The following ARMH3 variants were observed in gnomAD, a reference collection of about 807,000 sequenced individuals.
The protein encoded by ARMH3 is armadillo-like helical domain-containing protein 3.
In ARMH3, 60 loss-of-function variants were observed where a neutral mutation model predicts 99.1. The ratio of observed to expected loss-of-function variants is 0.61; its 90% CI spans 0.49 to 0.75. The LOEUF is 0.75. Ranked by LOEUF, ARMH3 falls within the 30% of genes least tolerant of loss-of-function variation. The pLI, the probability that ARMH3 is intolerant of heterozygous loss-of-function variation, is 0.00. For missense variants in ARMH3, 679 were observed against 843.1 expected, an observed-to-expected ratio of 0.81 and a Z score of 2.41; for synonymous variants, 285 against 292.8, an observed-to-expected ratio of 0.97 and a Z score of 0.27.
chr10:102,022,035 C>A (rs1436010057), intron 8 of ARMH3, among the ~76,000 whole-genome samples: 2 of 152,020 alleles, frequency 1.3e-5, no homozygotes, highest in African/African-American at 4.8e-5. Flanking sequence ...GTTATAATTG[C>A]CTACAGTATT....
intron 22 of ARMH3, among the ~76,000 whole-genome samples, chr10:101,954,737 TATACTTTATATAAAACA>T (rs1292439996): frequency 6.6e-6 from 1 of 152,194 alleles, no homozygotes; most frequent in Non-Finnish European, 1.5e-5. Context: ...AGCATAAGTT[TATACTTTATATAAAACA>T]GAGCACTGAA....
At chr10:101,862,128 A>T (rs1445534276) in intron 24 of ARMH3, among the ~76,000 whole-genome samples, 2 of 151,992 alleles carry the variant, frequency 1.3e-5, no homozygotes, top group East Asian at 3.8e-4. Context: ...ATAATAATAA[A>T]GAGCACTAGA....
intron 23 of ARMH3, among the ~76,000 whole-genome samples, chr10:101,900,139 G>A (rs769127879): frequency 3.3e-5 from 5 of 152,026 alleles, no homozygotes; most frequent in African/African-American, 4.8e-5. Flanking sequence ...TTATCCTATC[G>A]TTGCTCAGAT....
chr10:101,992,047 CA>C lies in ARMH3; in HGVS notation c.1276-10del. 6.2e-7 allele frequency: 1 copy of C among 1,612,884 alleles called. No individual in the cohort carries two copies. Among genetic ancestry groups the C allele is most frequent in the Non-Finnish European group, 8.5e-7 (1 of 1,179,094 alleles). On this transcript the variant is annotated splice_polypyrimidine_tract_variant and intron_variant, in intron 17 of 25. Coordinates refer to ENST00000370033, the MANE Select transcript of ARMH3 (RefSeq NM_024541.3). ...TTCCTGTGTCTCATAGGCTTCACAC[CA>C]AAAAAATGAAGAAAGGAAATTAGTA...
chr10:102,050,402 C>T (rs373504398), intron 1 of ARMH3, among the ~76,000 whole-genome samples: 78 of 152,062 alleles, frequency 5.1e-4, no homozygotes, highest in South Asian at 1.0e-3. Flanking sequence ...AAGCCGAGAT[C>T]GCGCCACTGC....
rs998679629 is a variant in ARMH3, at chr10:101,957,670, T to C, written c.1558A>G (p.Ile520Val). ...NETVLLAKHNIFTLALMIVNL... is the reference protein window; with the variant it reads ...NETVLLAKHNVFTLALMIVNL... ...CTCACCATAAGGGCTAATGTAAAAA[T>C]GTTGTGTTTGGCCAAAAGTACAGTC... The change falls in exon 21 of 26, where the codon ATT becomes GTT. Residue 520 changes from isoleucine (I) to valine (V), a missense_variant. Ile to Val is a conservative substitution (Grantham distance 29, BLOSUM62 3). Transcript: ENST00000370033. The C allele has an allele frequency of 1.9e-6, 3 of 1,609,734 alleles. No individual in the cohort carries two copies. The highest frequency in any genetic ancestry group is 8.5e-7 in the Non-Finnish European group (1 of 1,178,992).
chr10:102,039,411 G>A (rs1181510239), intron 2 of ARMH3, among the ~76,000 whole-genome samples: 2 of 152,138 alleles, frequency 1.3e-5, no homozygotes, highest in African/African-American at 4.8e-5. Flanking sequence ...CCAAAGTGCT[G>A]GGATTACAGG....
At chr10:102,048,963 A>AG (rs1236935532) in intron 1 of ARMH3, among the ~76,000 whole-genome samples, 1 of 151,994 alleles carries the variant, frequency 6.6e-6, no homozygotes, top group Non-Finnish European at 1.5e-5. Context: ...TCCAAGCCCC[A>AG]GCCCTTCAAG....
intron 23 of ARMH3, among the ~76,000 whole-genome samples, chr10:101,913,928 T>C (rs1399929629): frequency 6.6e-6 from 1 of 152,170 alleles, no homozygotes; most frequent in African/African-American, 2.4e-5. Context: ...TACAGCAGGA[T>C]TGTACCCTGG....
chr10:101,919,605 G>A (rs147080499), intron 23 of ARMH3, among the ~76,000 whole-genome samples: 69 of 152,158 alleles, frequency 4.5e-4, no homozygotes, highest in African/African-American at 1.6e-3. Flanking sequence ...TGGTGGCTGC[G>A]GCACAGTGGT....
intron 20 of ARMH3, among the ~76,000 whole-genome samples, chr10:101,967,698 C>T (rs1234561966): frequency 4.6e-5 from 7 of 152,108 alleles, no homozygotes; most frequent in Admixed American, 1.3e-4. Context: ...GATCGCGCCA[C>T]GGCACTCCAG....
intron 23 of ARMH3, among the ~76,000 whole-genome samples, chr10:101,922,048 C>A (rs1168363637): frequency 2.0e-5 from 3 of 152,158 alleles, no homozygotes; most frequent in African/African-American, 7.2e-5. Context: ...CCAAGATACC[C>A]TGACTTGTTC....
intron 23 of ARMH3, among the ~76,000 whole-genome samples, chr10:101,910,745 A>C (rs575945374): frequency 2.0e-4 from 30 of 151,586 alleles, no homozygotes; most frequent in South Asian, 8.3e-4. Flanking sequence ...AAAAAAAAAA[A>C]AACAACAACT....
At chr10:102,041,350 C>G in intron 1 of ARMH3, among the ~76,000 whole-genome samples, 1 of 151,702 alleles carries the variant, frequency 6.6e-6, no homozygotes, top group Non-Finnish European at 1.5e-5. Flanking sequence ...ATCCTACGCT[C>G]TAGATATGAA....
In ARMH3 at chr10:101,975,280, T is replaced by C; in HGVS notation, c.1427A>G (p.His476Arg). 3 of 1,612,602 alleles carry C rather than the reference T, an allele frequency of 1.9e-6. No homozygotes were observed. Among genetic ancestry groups the C allele is most frequent in the Non-Finnish European group, 2.5e-6 (3 of 1,179,004 alleles). Residue 476 changes from histidine to arginine, a missense_variant, in exon 20 of 26, where the codon CAC (histidine) becomes CGC (arginine). By Grantham distance (29) the His-to-Arg change is conservative. Around this residue, in one of 3 missense-constraint regions of ARMH3, gnomAD observed 389 missense variants for 456.5 expected, o/e 0.85. Coordinates refer to ENST00000370033, the MANE Select transcript of ARMH3 (RefSeq NM_024541.3). The part of the protein sequence containing the change: ...DLYIRCIQVV[H>R]KLLCYQKKCR... ...CTTCTTCTGGTAGCAGAGCAGTTTG[T>C]GTACTACCTGGATGCAGCGTCTGTA... is the stretch of plus-strand genomic sequence containing the variant.
In ARMH3 at chr10:101,980,798, T is replaced by C. The variant is rs187996786; in HGVS notation, c.1407-5498A>G. Among the ~76,000 whole-genome samples the C allele has an allele frequency of 1.2e-3, 175 of 152,164 alleles. 1 individual carries two copies. Among genetic ancestry groups the C allele is most frequent in the African/African-American group, 3.9e-3 (162 of 41,510 alleles). The stretch of plus-strand genomic sequence containing the variant: ...AGCACTATTCACAATAGCTAAGACA[T>C]GGAACCAACCCAAATGCCCATCAAT... On this transcript the variant is annotated intron_variant, in intron 19 of 25. Coordinates refer to ENST00000370033, the MANE Select transcript of ARMH3 (RefSeq NM_024541.3).
At chr10:102,025,306 A>C (rs973315455) in intron 5 of ARMH3, 58 bp from the exon 6 acceptor site, 2 of 1,403,774 alleles carry the variant, frequency 1.4e-6, no homozygotes, top group Admixed American at 1.7e-5. Context: ...ACCTTTGTCT[A>C]ACTCTGGGTT....
intron 8 of ARMH3, among the ~76,000 whole-genome samples, chr10:102,016,782 ACAAAAT>A (rs2066757778): frequency 1.3e-5 from 2 of 152,238 alleles, no homozygotes; most frequent in African/African-American, 4.8e-5. Flanking sequence ...AGACAGAATT[ACAAAAT>A]CTTTGAGTCT....
At chr10:102,055,539 T>C (rs973833374) in intron 1 of ARMH3, among the ~76,000 whole-genome samples, 3 of 152,070 alleles carry the variant, frequency 2.0e-5, no homozygotes, top group African/African-American at 7.2e-5. Context: ...TCTCGCCGAG[T>C]AACCCAAAGA....
Sources: gnomAD v4.1 joint callset for allele counts (sites outside exome capture counted in the v4.1 genomes callset) on GRCh38, gnomAD v4.1.1 for gene constraint, gnomAD v4.1.1 regional missense constraint, MANE v1.5 for transcripts, NCBI Gene and HGNC (gene_info 2026-07-23, HGNC 2026-07-21) for gene names.